Variants in RAB3D observed in about 807,000 individuals in gnomAD.
RAB3D encodes ras-related protein Rab-3D.
Under a neutral mutation model 19.3 loss-of-function variants are expected in RAB3D, and 17 were observed. That is an observed-to-expected ratio of 0.88 (90% CI 0.60 to 1.32). RAB3D has a LOEUF of 1.32. RAB3D is among the 40% of genes most tolerant of loss of function. The pLI is 0.00. For missense variants in RAB3D, 223 were observed against 299.1 expected, an observed-to-expected ratio of 0.75 and a Z score of 1.88; for synonymous variants, 103 against 119.9, an observed-to-expected ratio of 0.86 and a Z score of 0.92.
chr19:11,325,624 T>TG (rs768285417), intron 4 of RAB3D, 39 bp from the exon 5 acceptor site: 1 of 1,380,554 alleles, frequency 7.2e-7, no homozygotes, highest in Non-Finnish European at 9.5e-7. Context: ...GTAAGACCCC[T>TG]GAGGGCAGAG....
intron 4 of RAB3D, chr19:11,326,727 C>T (rs769356816): frequency 1.7e-5 from 12 of 687,932 alleles, no homozygotes; most frequent in Non-Finnish European, 2.9e-5. Flanking sequence ...CCTTGGCCCC[C>T]TGAGTAGCTG....
intron 4 of RAB3D, among the ~76,000 whole-genome samples, chr19:11,326,567 GA>G (rs1290024244): frequency 6.6e-6 from 1 of 152,206 alleles, no homozygotes; most frequent in Non-Finnish European, 1.5e-5. Context: ...CTGCTGCACA[GA>G]AAGGCATGGT....
At chr19:11,330,802 G>A (rs998933653) in intron 4 of RAB3D, among the ~76,000 whole-genome samples, 3 of 151,796 alleles carry the variant, frequency 2.0e-5, no homozygotes, top group Admixed American at 6.6e-5. Flanking sequence ...CACCCGCCTC[G>A]GCCTCCCAAA....
chr19:11,335,368 G>T, intron 4 of RAB3D, 79 bp downstream of exon 4: 1 of 1,576,656 alleles, frequency 6.3e-7, no homozygotes, highest in Non-Finnish European at 8.6e-7. Context: ...CAGTGACTGG[G>T]TTGGACCCTG....
intron 3 of RAB3D, 46 bp downstream of exon 3, chr19:11,335,619 A>T (rs767387374): frequency 1.9e-6 from 3 of 1,613,732 alleles, no homozygotes. Flanking sequence ...GTTAGGGGTC[A>T]GAGGAGAGGG....
chr19:11,323,401 A>G lies in RAB3D; in HGVS notation c.*1997T>C, dbSNP rs1476926896. 6.6e-6 allele frequency: 1 copy of G among 152,012 alleles called. No homozygotes were observed. Among genetic ancestry groups the G allele is most frequent in the African/African-American group, 2.4e-5 (1 of 41,386 alleles). The allele number at this position is 152,012 out of a possible 1,614,324, so 9.4% of individuals were successfully genotyped here. A position where few individuals can be genotyped will look rare whatever the true frequency, so the allele number is the denominator to read the frequency against. On this transcript the variant is annotated 3_prime_UTR_variant, in exon 5 of 5. Coordinates refer to ENST00000222120, the MANE Select transcript of RAB3D (RefSeq NM_004283.4). ...TTGAAGTCAGTTTGAGACAAGCCTC[A>G]CCAACATGGTGAAACCCCTTCTCTA...
intron 4 of RAB3D, among the ~76,000 whole-genome samples, chr19:11,332,434 T>G (rs988451848): frequency 3.9e-5 from 6 of 152,098 alleles, no homozygotes; most frequent in African/African-American, 1.4e-4. Context: ...AACCTCTGCC[T>G]CCCAGGCTCA....
At chr19:11,325,666 C>A in intron 4 of RAB3D, 81 bp from the exon 5 acceptor site, 1 of 1,366,628 alleles carries the variant, frequency 7.3e-7, no homozygotes, top group South Asian at 1.3e-5. Flanking sequence ...AACCTGGCTT[C>A]TAAGCCTAGT....
At position 11,323,957 on chromosome 19, in the gene RAB3D, G is replaced by A. The variant is rs2080796174; in HGVS notation, c.*1441C>T. The stretch of plus-strand genomic sequence containing the variant: ...AAAGTGCCTCTAAACCGGAGGTCAA[G>A]ATGTACATCTTCAAACTGCACACGT... On this transcript the variant is annotated 3_prime_UTR_variant, in exon 5 of 5. Coordinates refer to ENST00000222120, the MANE Select transcript of RAB3D (RefSeq NM_004283.4). 6.6e-6 allele frequency: 1 copy of A among 152,172 alleles called. No homozygotes were observed. Among genetic ancestry groups the A allele is most frequent in the Admixed American group, 6.5e-5 (1 of 15,274 alleles). 9.4% of individuals were successfully genotyped at this position (152,172 alleles called of 1,614,324 possible).
At position 11,323,921 on chromosome 19, in the gene RAB3D, C is replaced by A. The variant is rs1488472541; in HGVS notation, c.*1477G>T. On this transcript the variant is annotated 3_prime_UTR_variant, in exon 5 of 5. Transcript: ENST00000222120. ...GTGCTGCGCCCCTAGAGTTTGGAATCTGATGGGCAGAAAGTGCCTCTAAAC... is the reference window on the plus strand; with the variant it reads ...GTGCTGCGCCCCTAGAGTTTGGAATATGATGGGCAGAAAGTGCCTCTAAAC... 6.6e-6 allele frequency: 1 copy of A among 152,210 alleles called. No individual in the cohort carries two copies. Among genetic ancestry groups the A allele is most frequent in the Non-Finnish European group, 1.5e-5 (1 of 68,088 alleles). The allele number at this position is 152,210 out of a possible 1,614,324, so 9.4% of individuals were successfully genotyped here. A position where few individuals can be genotyped will look rare whatever the true frequency, so the allele number is the denominator to read the frequency against.
chr19:11,339,097 T>C (rs1966925985), intron 1 of RAB3D, among the ~76,000 whole-genome samples: 2 of 152,174 alleles, frequency 1.3e-5, no homozygotes, highest in Admixed American at 1.3e-4. Context: ...GCAGGAAACC[T>C]TTCCCCACGC....
intron 4 of RAB3D, among the ~76,000 whole-genome samples, chr19:11,332,371 G>T (rs974538851): frequency 6.6e-6 from 1 of 151,818 alleles, no homozygotes; most frequent in African/African-American, 2.4e-5. Context: ...TTGAGACAAG[G>T]TCTCACTCTG....
At chr19:11,333,992 G>A (rs1479963907) in intron 4 of RAB3D, among the ~76,000 whole-genome samples, 6 of 151,796 alleles carry the variant, frequency 4.0e-5, no homozygotes, top group African/African-American at 1.2e-4. Flanking sequence ...CACCACGCCC[G>A]GCCACAAATA....
Position 11,324,984 on chromosome 19 carries a change from C to T in RAB3D, c.*414G>A. The T allele has an allele frequency of 6.3e-6, 1 of 157,626 alleles. No homozygotes were observed. Among genetic ancestry groups the T allele is most frequent in the Non-Finnish European group, 1.4e-5 (1 of 70,884 alleles). 9.8% of individuals were successfully genotyped at this position (157,626 alleles called of 1,614,324 possible). A position where few individuals can be genotyped will look rare whatever the true frequency, so the allele number is the denominator to read the frequency against. On this transcript the variant is annotated 3_prime_UTR_variant, in exon 5 of 5. Coordinates refer to ENST00000222120, the MANE Select transcript of RAB3D (RefSeq NM_004283.4). ...ACCCACACTGTGCGAGGAAGATGAA[C>T]CATCTTCCACCAGCTTGGGAATATC... is the stretch of plus-strand genomic sequence containing the variant.
At chr19:11,331,893 G>A (rs2080836866) in intron 4 of RAB3D, among the ~76,000 whole-genome samples, 2 of 152,136 alleles carry the variant, frequency 1.3e-5, no homozygotes, top group South Asian at 4.1e-4. Context: ...TCGATGTCAA[G>A]GGTTTGCTCT....
chr19:11,332,388 A>T (rs1568300788), intron 4 of RAB3D, among the ~76,000 whole-genome samples: 1 of 151,916 alleles, frequency 6.6e-6, no homozygotes, highest in Non-Finnish European at 1.5e-5. Flanking sequence ...TCTGTCACCC[A>T]GGCTGGCATA....
intron 1 of RAB3D, among the ~76,000 whole-genome samples, chr19:11,337,663 C>T (rs77184525): frequency 0.015 from 2,184 of 146,898 alleles, 52 homozygotes; most frequent in African/African-American, 0.051. Flanking sequence ...AAATGAGTTT[C>T]TTTCTTTCTT....
intron 4 of RAB3D, among the ~76,000 whole-genome samples, chr19:11,331,063 G>A (rs938322588): frequency 4.0e-5 from 6 of 150,744 alleles, no homozygotes; most frequent in Middle Eastern, 3.4e-3. Flanking sequence ...AGGTTGAGGC[G>A]GGTGGATCAC....
intron 4 of RAB3D, among the ~76,000 whole-genome samples, chr19:11,327,504 T>C (rs2080819725): frequency 6.6e-6 from 1 of 152,228 alleles, no homozygotes; most frequent in South Asian, 2.1e-4. Flanking sequence ...GTTCAAGCGA[T>C]TCTCCTGCTT....
Sources: allele counts gnomAD v4.1 joint callset (sites outside exome capture counted in the v4.1 genomes callset), GRCh38; gene constraint gnomAD v4.1.1; transcripts MANE v1.5; gene names NCBI Gene and HGNC (gene_info 2026-07-23, HGNC 2026-07-21).